MARCHF2: variants seen among roughly 807,000 people sequenced by gnomAD.
The protein encoded by MARCHF2 is E3 ubiquitin-protein ligase MARCHF2.
In MARCHF2, 22 loss-of-function variants were observed where a neutral mutation model predicts 24.0. The ratio of observed to expected loss-of-function variants is 0.92; its 90% confidence interval spans 0.66 to 1.31. The LOEUF is 1.31. Ranked by LOEUF, MARCHF2 falls within the 50% of genes most tolerant of loss-of-function variation. MARCHF2 has a pLI of 0.00. For missense variants in MARCHF2, 301 were observed against 335.3 expected (o/e 0.90, Z 0.80); for synonymous variants, 154 against 153.0 (o/e 1.01, Z -0.05).
At chr19:8,436,689 T>A (rs1371689193) in intron 4 of MARCHF2, among the ~76,000 whole-genome samples, 1 of 145,756 alleles carries the variant, frequency 6.9e-6, no homozygotes, top group East Asian at 2.0e-4. Flanking sequence ...TTTTTTTTTT[T>A]TTTTTTTTTT....
At chr19:8,428,038 A>G (rs1160772322) in intron 3 of MARCHF2, among the ~76,000 whole-genome samples, 2 of 152,028 alleles carry the variant, frequency 1.3e-5, no homozygotes, top group African/African-American at 4.8e-5. Flanking sequence ...AGGCGGGCGG[A>G]TCACGAGGTC....
intron 1 of MARCHF2, among the ~76,000 whole-genome samples, chr19:8,416,737 T>G (rs1376410458): frequency 2.0e-5 from 3 of 151,972 alleles, no homozygotes; most frequent in Non-Finnish European, 4.4e-5. Flanking sequence ...CGGCTCATTT[T>G]TGTATTTTTT....
At chr19:8,428,377 C>T (rs1358252363) in intron 3 of MARCHF2, among the ~76,000 whole-genome samples, 1 of 150,088 alleles carries the variant, frequency 6.7e-6, no homozygotes, top group Non-Finnish European at 1.5e-5. Context: ...TTGCTTGAAC[C>T]CTAGGGAGGC....
chr19:8,435,740 A>G (rs560207261), intron 4 of MARCHF2, among the ~76,000 whole-genome samples: 15 of 150,366 alleles, frequency 1.0e-4, no homozygotes, highest in Admixed American at 4.7e-4. Flanking sequence ...GTGTTTTGCT[A>G]TGTTGTTGTA....
intron 2 of MARCHF2, among the ~76,000 whole-genome samples, chr19:8,424,315 G>A (rs1389896855): frequency 6.6e-6 from 1 of 151,950 alleles, no homozygotes; most frequent in Non-Finnish European, 1.5e-5. Flanking sequence ...AGGTTTCTCA[G>A]GTAGCACGGG....
intron 2 of MARCHF2, among the ~76,000 whole-genome samples, chr19:8,424,405 C>A (rs1450334843): frequency 6.6e-6 from 1 of 152,142 alleles, no homozygotes; most frequent in African/African-American, 2.4e-5. Flanking sequence ...CAGTGGCTCA[C>A]GCCTGTAATC....
At chr19:8,437,322 C>A (rs575391123) in intron 4 of MARCHF2, among the ~76,000 whole-genome samples, 459 of 150,250 alleles carry the variant, frequency 3.1e-3, no homozygotes, top group Non-Finnish European at 5.4e-3. Context: ...TATCTGGAAG[C>A]ACCACTGTTT....
chr19:8,431,527 A>G (rs1268452242), intron 4 of MARCHF2, among the ~76,000 whole-genome samples: 9 of 150,072 alleles, frequency 6.0e-5, no homozygotes, highest in Admixed American at 1.3e-4. Flanking sequence ...AAAGGAAAAA[A>G]GAAAAAAGAA....
At position 8,424,400 on chromosome 19, in the gene MARCHF2, G is replaced by A. The variant is rs1016070250; in HGVS notation, c.177-2209G>A. On this transcript the variant is annotated intron_variant, in intron 2 of 4. Transcript: ENST00000215555. ...TACCTTTCCCAGGCCTTGCGCAGTGGCTCACGCCTGTAATCCCAGCACTTT... is the reference window on the plus strand; with the variant it reads ...TACCTTTCCCAGGCCTTGCGCAGTGACTCACGCCTGTAATCCCAGCACTTT... Among the ~76,000 whole-genome samples the A allele has an allele frequency of 5.3e-5, 8 of 152,280 alleles. No individual in the cohort carries two copies. The East Asian group carries it at 1.4e-3, about 26-fold the overall frequency.
chr19:8,413,367 G>C lies in MARCHF2; in HGVS notation c.-106G>C, dbSNP rs1352409323. On this transcript the variant is annotated 5_prime_UTR_variant, in exon 1 of 5. Coordinates refer to ENST00000215555, the MANE Select transcript of MARCHF2 (RefSeq NM_001005415.2). ...GACGGGCCGGGCCGGGCCGGGACCG[G>C]GGCCGAGGCGAACCGAGGGGCCTGT... 2.0e-5 allele frequency: 3 copies of C among 151,826 alleles called. No homozygotes were observed. The highest frequency in any genetic ancestry group is 4.1e-4 in the South Asian group (2 of 4,822). The allele number at this position is 151,826 out of a possible 1,614,324, so 9.4% of individuals were successfully genotyped here. A position where few individuals can be genotyped will look rare whatever the true frequency, so the allele number is the denominator to read the frequency against.
In MARCHF2 at chr19:8,438,615, GACTTCCACTTCAAC is replaced by G. The variant is rs143629061; in HGVS notation, c.*85_*98del. ...CTGGTGATACCCTGTCCTGTGGAAG[GACTTCCACTTCAAC>G]ACTTCCACTTCAACAGTTCCCGCAC... On this transcript the variant is annotated 3_prime_UTR_variant, in exon 5 of 5. Transcript: ENST00000215555. 16,064 of 1,518,034 alleles carry G rather than the reference GACTTCCACTTCAAC, an allele frequency of 0.011. 167 individuals are homozygous for G. The highest frequency in any genetic ancestry group is 0.039 in the African/African-American group (2,847 of 72,506). 94.0% of individuals were successfully genotyped at this position (1,518,034 alleles called of 1,614,324 possible).
intron 2 of MARCHF2, among the ~76,000 whole-genome samples, chr19:8,424,332 G>A (rs893233752): frequency 7.2e-5 from 11 of 151,882 alleles, no homozygotes; most frequent in African/African-American, 2.7e-4. Flanking sequence ...CGGGCTTCAG[G>A]TGTGATTAGA....
intron 4 of MARCHF2, among the ~76,000 whole-genome samples, chr19:8,433,969 G>T (rs915478406): frequency 6.6e-6 from 1 of 151,686 alleles, no homozygotes; most frequent in African/African-American, 2.4e-5. Context: ...CAGAACCCTT[G>T]CTTAGAGGCA....
At chr19:8,433,696 A>G (rs1294585971) in intron 4 of MARCHF2, among the ~76,000 whole-genome samples, 1 of 150,866 alleles carries the variant, frequency 6.6e-6, no homozygotes, top group Non-Finnish European at 1.5e-5. Context: ...AAAAAAAAGA[A>G]AAGAAAAGAA....
chr19:8,435,308 A>G (rs6603069), intron 4 of MARCHF2, among the ~76,000 whole-genome samples: 143,802 of 151,898 alleles, frequency 0.95, 68,577 homozygotes, highest in East Asian at 1. Flanking sequence ...GTGAGCCACC[A>G]CACTAGGCCA....
At chr19:8,428,044 A>T (rs1599710640) in intron 3 of MARCHF2, among the ~76,000 whole-genome samples, 2 of 152,144 alleles carry the variant, frequency 1.3e-5, no homozygotes, top group East Asian at 3.9e-4. Flanking sequence ...GCGGATCACG[A>T]GGTCAGGAGA....
chr19:8,415,735 C>CAAAAAAAAAAAA (rs1230223487), intron 1 of MARCHF2, among the ~76,000 whole-genome samples: 1 of 96,728 alleles, frequency 1.0e-5, no homozygotes, highest in East Asian at 3.4e-4. Flanking sequence ...AAAAAAAAAA[C>CAAAAAAAAAAAA]AAAAAAAACA....
intron 1 of MARCHF2, among the ~76,000 whole-genome samples, chr19:8,419,163 C>A (rs555606659): frequency 5.9e-5 from 9 of 151,956 alleles, no homozygotes; most frequent in Middle Eastern, 3.4e-3. Flanking sequence ...GAGTTTGAGA[C>A]CATCCTGGCC....
At chr19:8,419,801 G>A (rs1967180662) in intron 1 of MARCHF2, among the ~76,000 whole-genome samples, 1 of 138,868 alleles carries the variant, frequency 7.2e-6, no homozygotes, top group African/African-American at 2.9e-5. Context: ...GGGCGAAAGA[G>A]CAAGACTCCG....
Sources: gnomAD v4.1 joint callset for allele counts (sites outside exome capture counted in the v4.1 genomes callset) on GRCh38, gnomAD v4.1.1 for gene constraint, MANE v1.5 for transcripts, NCBI Gene and HGNC (gene_info 2026-07-23, HGNC 2026-07-21) for gene names.